The following POLG variants were observed in gnomAD, a reference collection of about 807,000 sequenced individuals.
POLG encodes the protein DNA polymerase subunit gamma-1.
A neutral mutation model predicts 155.4 loss-of-function variants in POLG; 110 were observed. The ratio of observed to expected loss-of-function variants is 0.71; its 90% CI spans 0.61 to 0.83. The LOEUF (loss-of-function observed/expected upper bound fraction) is 0.83, where lower values mean the gene tolerates loss of function less well. POLG is among the 40% of genes least tolerant of loss of function. POLG has a pLI of 0.00. For synonymous variants in POLG, 701 were observed against 631.5 expected (o/e 1.11, Z -1.65); for missense variants, 1,685 against 1,627.5 (o/e 1.04, Z -0.61).
At chr15:89,331,793 A>G (rs2055597482) in intron 2 of POLG, among the ~76,000 whole-genome samples, 1 of 150,828 alleles carries the variant, frequency 6.6e-6, no homozygotes, top group South Asian at 2.1e-4. Context: ...CACCAGTCAG[A>G]CTCCCAGGAG....
intron 6 of POLG, among the ~76,000 whole-genome samples, chr15:89,327,733 A>T (rs1408656111): frequency 6.6e-6 from 1 of 152,188 alleles, no homozygotes; most frequent in African/African-American, 2.4e-5. Context: ...TGACATTTAA[A>T]CAACACATGT....
intron 21 of POLG, chr15:89,318,097 G>A (rs1315281150): frequency 1.0e-5 from 2 of 194,134 alleles, no homozygotes; most frequent in Admixed American, 1.1e-4. Context: ...AATCACATTT[G>A]AGTGTCCCCA....
rs749018627 is a variant in POLG at position 89,333,303 on chromosome 15, A to G, written c.452T>C (p.Leu151Pro). 2 of 1,555,476 alleles carry G rather than the reference A, an allele frequency of 1.3e-6. No homozygotes were observed. The highest frequency in any genetic ancestry group is 4.8e-5 in the East Asian group (2 of 41,544). Reference protein sequence around the residue: ...LLAQKQSLPYLEAANLLLQAQ... With the variant: ...LLAQKQSLPYPEAANLLLQAQ... ...CTGCAACAGCAAGTTGGCCGCCTCCAGGTAGGGCAGGCTCTGCTTCTGGGC... is the reference window on the plus strand; with the variant it reads ...CTGCAACAGCAAGTTGGCCGCCTCCGGGTAGGGCAGGCTCTGCTTCTGGGC... The change falls in exon 2 of 23, where the codon CTG becomes CCG. Residue 151 changes from leucine (L) to proline (P), a missense_variant. Around this residue, in one of 3 missense-constraint regions of POLG, gnomAD observed 1,210 missense variants for 1,167.1 expected, o/e 1.04. Transcript: ENST00000268124.
intron 6 of POLG, 112 bp from the exon 7 acceptor site, chr15:89,327,461 A>G: frequency 1.1e-6 from 1 of 935,588 alleles, no homozygotes; most frequent in Non-Finnish European, 1.7e-6. Flanking sequence ...GCACAGCTCA[A>G]AAGTCAGACG....
chr15:89,325,286 GAGA>G (rs1567190089), intron 10 of POLG, among the ~76,000 whole-genome samples, 161 bp downstream of exon 10: 2 of 110,752 alleles, frequency 1.8e-5, no homozygotes, highest in African/African-American at 8.3e-5. Flanking sequence ...GAGAGAGAAA[GAGA>G]GAGAGAGAGG....
chr15:89,322,970 G>C lies in POLG; in HGVS notation c.2266-68C>G. 3 of 1,475,236 alleles carry C rather than the reference G, an allele frequency of 2.0e-6. No homozygotes were observed. In the South Asian group the frequency reaches 3.5e-5, roughly 17 times the overall value. 91.4% of individuals were successfully genotyped at this position (1,475,236 alleles called of 1,614,324 possible). ...ACCCCTGGGTGGGGAACCAACGTGA[G>C]TACCTGCACTCCTCCCAACACTGAG... On this transcript the variant is annotated intron_variant, in intron 13 of 22. Transcript: ENST00000268124.
chr15:89,325,207 AGAGTGAGTGAGT>A lies in POLG; in HGVS notation c.1949+231_1949+242del, dbSNP rs1160459800. 1.8e-4 allele frequency among the ~76,000 whole-genome samples: 12 copies of A among 67,346 alleles called. 1 individual carries two copies. Among genetic ancestry groups the A allele is most frequent in the Non-Finnish European group, 2.0e-4 (8 of 39,158 alleles). 44.2% of individuals were successfully genotyped at this position (67,346 alleles called of 152,430 possible). A position where few individuals can be genotyped will look rare whatever the true frequency, so the allele number is the denominator to read the frequency against. ...GTGAGTGAGTGAGAGAGTGAGTGAG[AGAGTGAGTGAGT>A]GAGAGAGTGAGTGAGAGAGTGAGTG... On this transcript the variant is annotated intron_variant, in intron 10 of 22. Transcript: ENST00000268124.
At chr15:89,317,066 G>C (rs1245521357) in intron 22 of POLG, 1 of 591,052 alleles carries the variant, frequency 1.7e-6, no homozygotes. Flanking sequence ...TTAAAGCACA[G>C]TTTGTTTTTC....
chr15:89,321,406 A>G (rs540963857), intron 16 of POLG, 146 bp from the exon 17 acceptor site: 40 of 938,844 alleles, frequency 4.3e-5, no homozygotes, highest in Non-Finnish European at 6.2e-5. Context: ...AGTTCCAGAG[A>G]TGGCCACCTA....
Position 89,328,976 on chromosome 15 carries a change from C to G in POLG, c.990G>C (p.Gln330His). The change falls in exon 4 of 23, where the codon CAG becomes CAC. Residue 330 changes from glutamine (Q) to histidine (H), a missense_variant. Coordinates refer to ENST00000268124, the MANE Select transcript of POLG (RefSeq NM_002693.3). ...HKVQPPTKQG[Q>H]KSQRKARRGP... is the part of the protein sequence containing the mutation. ...CTCTTCTGGCTTTCCTCTGGGACTT[C>G]TGGCCTTGCTTTGTGGGGGGCTGGA... 6.2e-7 allele frequency: 1 copy of G among 1,613,944 alleles called. No homozygotes were observed. Among genetic ancestry groups the G allele is most frequent in the East Asian group, 2.2e-5 (1 of 44,888 alleles).
At position 89,333,238 on chromosome 15, in the gene POLG, C is replaced by T. The variant is rs1460470941; in HGVS notation, c.517G>A (p.Glu173Lys). Residue 173 changes from glutamate (E) to lysine (K), a missense_variant, in exon 2 of 23, where the codon GAG becomes AAG. Around this residue, in one of 3 missense-constraint regions of POLG, gnomAD observed 1,210 missense variants for 1,167.1 expected, o/e 1.04. Coordinates refer to ENST00000268124, the MANE Select transcript of POLG (RefSeq NM_002693.3). ...TCGGGGCCGTACCGGGTCCAGCCCT[C>T]CGCCCAGGCCCAAGCCGGGGGCTTC... Reference protein sequence around the residue: ...PPKPPAWAWAEGWTRYGPEGE... With the variant: ...PPKPPAWAWAKGWTRYGPEGE... The T allele has an allele frequency of 1.3e-6, 2 of 1,576,810 alleles. No individual in the cohort carries two copies. The highest frequency in any genetic ancestry group is 2.3e-5 in the East Asian group (1 of 43,482).
intron 10 of POLG, among the ~76,000 whole-genome samples, chr15:89,325,139 T>TGAGTGAGAGAGTGA (rs2055475726): frequency 5.4e-5 from 2 of 36,850 alleles, no homozygotes; most frequent in East Asian, 1.6e-3. Context: ...AGAGAGTGAG[T>TGAGTGAGAGAGTGA]GAGAGAGTGA....
chr15:89,330,917 G>A (rs779903653), intron 2 of POLG, among the ~76,000 whole-genome samples: 1 of 143,252 alleles, frequency 7.0e-6, no homozygotes, highest in Non-Finnish European at 1.5e-5. Flanking sequence ...GGGTGGGAGG[G>A]ATAGGGGATG....
chr15:89,318,878 T>C, intron 20 of POLG, 53 bp downstream of exon 20: 1 of 1,593,580 alleles, frequency 6.3e-7, no homozygotes, highest in Non-Finnish European at 8.6e-7. Context: ...CAGGGAGCTC[T>C]GCCCTGCCCT....
At chr15:89,334,604 G>C (rs897774521) in intron 1 of POLG, 69 bp downstream of exon 1, 1 of 152,322 alleles carries the variant, frequency 6.6e-6, no homozygotes, top group Non-Finnish European at 1.5e-5. Context: ...CTCGCTCCCT[G>C]ACTGGAGAGG....
At chr15:89,318,887 C>T (rs1320871956) in intron 20 of POLG, 44 bp downstream of exon 20, 1 of 1,610,528 alleles carries the variant, frequency 6.2e-7, no homozygotes, top group Non-Finnish European at 8.5e-7. Context: ...CTGCCCTGCC[C>T]TCCCTGGGGC....
At chr15:89,325,783 G>A (rs1335087386) in intron 9 of POLG, 97 bp from the exon 10 acceptor site, 1 of 1,003,658 alleles carries the variant, frequency 1.0e-6, no homozygotes, top group Non-Finnish European at 1.6e-6. Context: ...ACCCTCCAAA[G>A]CCCTGGGGCT....
chr15:89,324,352 C>T, intron 10 of POLG, 125 bp from the exon 11 acceptor site: 1 of 1,072,670 alleles, frequency 9.3e-7, no homozygotes, highest in Non-Finnish European at 1.4e-6. Context: ...GAGGCAGAAC[C>T]AGATAGCACT....
At chr15:89,329,345 C>T (rs1274574665) in intron 3 of POLG, among the ~76,000 whole-genome samples, 3 of 152,228 alleles carry the variant, frequency 2.0e-5, no homozygotes, top group Non-Finnish European at 2.9e-5. Flanking sequence ...AGATGCAGGC[C>T]TGGCTCAATC....
Sources: allele counts gnomAD v4.1 joint callset (sites outside exome capture counted in the v4.1 genomes callset), GRCh38; gene constraint gnomAD v4.1.1; regional missense constraint gnomAD v4.1.1; transcripts MANE v1.5; gene names NCBI Gene and HGNC (gene_info 2026-07-23, HGNC 2026-07-21).